Variants in SNX29 observed in about 807,000 individuals in gnomAD.
SNX29 encodes sorting nexin-29.
SNX29 carries 78 observed loss-of-function variants against 102.1 expected under a neutral mutation model. The ratio of observed to expected loss-of-function variants is 0.76; its 90% CI spans 0.64 to 0.92. The LOEUF (loss-of-function observed/expected upper bound fraction) is 0.92. Among genes scored for constraint, SNX29 ranks in the 40% least tolerant of loss-of-function variants. SNX29 has a pLI of 0.00. For synonymous variants in SNX29, 580 were observed against 414.5 expected, an observed-to-expected ratio of 1.40 and a Z score of -4.85; for missense variants, 1,280 against 1,061.7, an observed-to-expected ratio of 1.21 and a Z score of -2.86.
intron 11 of SNX29, among the ~76,000 whole-genome samples, chr16:12,125,769 G>T (rs2054189494): frequency 1.3e-5 from 2 of 151,882 alleles, no homozygotes; most frequent in South Asian, 4.2e-4. Context: ...CATCTCTTAA[G>T]GCTACTTGAG....
intron 11 of SNX29, among the ~76,000 whole-genome samples, chr16:12,122,915 C>G (rs2054039500): frequency 6.6e-6 from 1 of 152,162 alleles, no homozygotes; most frequent in Admixed American, 6.5e-5. Context: ...CAATCTCTGC[C>G]TCCCAGGTTC....
At chr16:12,455,456 T>G (rs1304692579) in intron 18 of SNX29, among the ~76,000 whole-genome samples, 1 of 152,178 alleles carries the variant, frequency 6.6e-6, no homozygotes, top group Admixed American at 6.5e-5. Context: ...GGTGGCCACC[T>G]GCTGCCACTC....
chr16:12,034,886 C>G (rs1253707331), intron 4 of SNX29, among the ~76,000 whole-genome samples: 1 of 152,098 alleles, frequency 6.6e-6, no homozygotes, highest in African/African-American at 2.4e-5. Context: ...TGGTAGGCAC[C>G]TGTAATTCCA....
At chr16:12,311,568 C>T (rs540480586) in intron 15 of SNX29, among the ~76,000 whole-genome samples, 62 of 152,356 alleles carry the variant, frequency 4.1e-4, no homozygotes, top group African/African-American at 1.2e-3. Context: ...TTCCCAAGGC[C>T]GATGGCCCGT....
chr16:12,447,346 C>G (rs1016644218), intron 18 of SNX29, among the ~76,000 whole-genome samples: 2 of 152,064 alleles, frequency 1.3e-5, no homozygotes, highest in African/African-American at 2.4e-5. Context: ...CAAAAGTATA[C>G]ATGATGGATT....
chr16:12,550,368 C>G (rs1048124084), intron 20 of SNX29, among the ~76,000 whole-genome samples: 2 of 152,076 alleles, frequency 1.3e-5, no homozygotes, highest in Non-Finnish European at 2.9e-5. Flanking sequence ...AAACCCATCT[C>G]TACTAAAAAT....
At chr16:12,258,845 A>G (rs1177548697) in intron 14 of SNX29, among the ~76,000 whole-genome samples, 1 of 152,142 alleles carries the variant, frequency 6.6e-6, no homozygotes, top group Non-Finnish European at 1.5e-5. Context: ...TTTATCTAAT[A>G]TATAATGAGA....
Position 12,551,088 on chromosome 16 carries a change from C to G in SNX29, c.2319-17418C>G, listed in dbSNP as rs58656124. On this transcript the variant is annotated intron_variant, in intron 20 of 20. Coordinates refer to ENST00000566228, the MANE Select transcript of SNX29 (RefSeq NM_032167.5). ...TGTTTTCATCTCCATGTGATCCTCTCTTTGCTTGGATGAAATCTGGTGTGA... is the reference window on the plus strand; with the variant it reads ...TGTTTTCATCTCCATGTGATCCTCTGTTTGCTTGGATGAAATCTGGTGTGA... Among the ~76,000 whole-genome samples the G allele has an allele frequency of 3.3e-4, 50 of 152,264 alleles. No individual in the cohort carries two copies. The East Asian group carries it at 9.1e-3, about 28-fold the overall frequency.
intron 20 of SNX29, among the ~76,000 whole-genome samples, chr16:12,559,334 C>A (rs2115104): frequency 6.6e-6 from 1 of 151,484 alleles, no homozygotes; most frequent in Non-Finnish European, 1.5e-5. Flanking sequence ...TGTGAGGGAT[C>A]TAGGCTGCAT....
chr16:12,045,881 C>G (rs889356470), intron 5 of SNX29, among the ~76,000 whole-genome samples: 1 of 152,022 alleles, frequency 6.6e-6, no homozygotes, highest in Non-Finnish European at 1.5e-5. Flanking sequence ...CCCCTGGCCT[C>G]CTAAAGTGCT....
chr16:12,051,438 G>T (rs1239582494), intron 7 of SNX29, among the ~76,000 whole-genome samples: 3 of 152,126 alleles, frequency 2.0e-5, no homozygotes, highest in East Asian at 3.8e-4. Context: ...TTGCAAAGGG[G>T]CATTGCACAG....
At chr16:12,393,380 T>C (rs1434388446) in intron 16 of SNX29, among the ~76,000 whole-genome samples, 1 of 142,326 alleles carries the variant, frequency 7.0e-6, no homozygotes, top group Non-Finnish European at 1.6e-5. Flanking sequence ...GCATATCTTA[T>C]GATTCATTCA....
intron 18 of SNX29, among the ~76,000 whole-genome samples, chr16:12,460,808 A>G (rs2086747490): frequency 6.6e-6 from 1 of 151,986 alleles, no homozygotes; most frequent in South Asian, 2.1e-4. Flanking sequence ...CTCAGGGTGC[A>G]TGCCACCATG....
At chr16:12,099,277 C>T (rs1420604189) in intron 11 of SNX29, among the ~76,000 whole-genome samples, 1 of 152,178 alleles carries the variant, frequency 6.6e-6, no homozygotes, top group Non-Finnish European at 1.5e-5. Context: ...GCACTAAACC[C>T]AGGGCCCTTG....
At chr16:12,274,598 G>C (rs1477591085) in intron 14 of SNX29, among the ~76,000 whole-genome samples, 1 of 149,558 alleles carries the variant, frequency 6.7e-6, no homozygotes, top group Non-Finnish European at 1.5e-5. Flanking sequence ...GTGCAGCTAT[G>C]CCATCTCAGT....
At chr16:12,547,071 C>T (rs1231900859) in intron 20 of SNX29, among the ~76,000 whole-genome samples, 1 of 152,160 alleles carries the variant, frequency 6.6e-6, no homozygotes, top group Non-Finnish European at 1.5e-5. Flanking sequence ...AATAGTGAGG[C>T]AGACATGCCT....
At chr16:12,550,062 T>A (rs1171600580) in intron 20 of SNX29, among the ~76,000 whole-genome samples, 4 of 152,224 alleles carry the variant, frequency 2.6e-5, no homozygotes, top group Non-Finnish European at 5.9e-5. Context: ...GTATGTTTAG[T>A]CTCACCCTTT....
chr16:12,413,818 C>T lies in SNX29; in HGVS notation c.2037+10289C>T, dbSNP rs138127568. ...GCTGAGAGTGGCCTTACTCACTTACCGCTCCTAAATGGTGGTGTCCATTGT... is the reference window on the plus strand; with the variant it reads ...GCTGAGAGTGGCCTTACTCACTTACTGCTCCTAAATGGTGGTGTCCATTGT... On this transcript the variant is annotated intron_variant, in intron 18 of 20. Transcript: ENST00000566228. 3.6e-3 allele frequency among the ~76,000 whole-genome samples: 555 copies of T among 152,308 alleles called. 2 individuals are homozygous for T. Among genetic ancestry groups the T allele is most frequent in the African/African-American group, 0.013 (536 of 41,562 alleles).
intron 19 of SNX29, among the ~76,000 whole-genome samples, chr16:12,514,576 C>T (rs1341174680): frequency 6.6e-6 from 1 of 152,192 alleles, no homozygotes; most frequent in Non-Finnish European, 1.5e-5. Flanking sequence ...GAAAAAGCCC[C>T]TCTCTTGGCC....
Sources: allele counts gnomAD v4.1 joint callset (sites outside exome capture counted in the v4.1 genomes callset), GRCh38; gene constraint gnomAD v4.1.1; transcripts MANE v1.5; gene names NCBI Gene and HGNC (gene_info 2026-07-23, HGNC 2026-07-21).